Variants in IL23R observed in about 807,000 individuals in gnomAD.
IL23R encodes the protein interleukin 23 receptor.
Under a neutral mutation model 56.9 loss-of-function variants are expected in IL23R, and 34 were observed. The ratio of observed to expected loss-of-function variants is 0.60; its 90% confidence interval spans 0.45 to 0.80. The LOEUF (loss-of-function observed/expected upper bound fraction) is 0.80, where lower values mean the gene tolerates loss of function less well. Among genes scored for constraint, IL23R ranks in the 30% least tolerant of loss-of-function variants. The pLI, the probability that IL23R is intolerant of heterozygous loss-of-function variation, is 0.00. For synonymous variants in IL23R, 230 were observed against 249.2 expected (o/e 0.92, Z 0.73); for missense variants, 635 against 730.0 (o/e 0.87, Z 1.50).
At chr1:67,181,024 C>T (rs11209012) in intron 3 of IL23R, among the ~76,000 whole-genome samples, 43,301 of 151,986 alleles carry the variant, frequency 0.28, 6,663 homozygotes, top group Admixed American at 0.43. Flanking sequence ...TGTGGGTAAC[C>T]CGACCTTTCT....
chr1:67,151,782 A>C (rs762646310), intron 1 of IL23R, among the ~76,000 whole-genome samples: 7 of 151,990 alleles, frequency 4.6e-5, no homozygotes, highest in Non-Finnish European at 1.0e-4. Context: ...GTTGTTTCTG[A>C]GGTCTCTGTT....
chr1:67,219,713 A>C lies in IL23R; in HGVS notation c.938A>C (p.His313Pro). 1 of 1,613,832 alleles carries C rather than the reference A, an allele frequency of 6.2e-7. No homozygotes were observed. The highest frequency in any genetic ancestry group is 8.5e-7 in the Non-Finnish European group (1 of 1,179,708). Reference protein sequence around the residue: ...YWQPWSSLFFHKTPETVPQVT... With the variant: ...YWQPWSSLFFPKTPETVPQVT... The stretch of plus-strand genomic sequence containing the variant: ...CAGCCTTGGAGTTCACTGTTTTTTC[A>C]TAAAACACCTGAAACAGGTGAGTGT... Residue 313 changes from histidine (H) to proline (P), a missense_variant, in exon 7 of 11, where the codon CAT (histidine) becomes CCT (proline). Physicochemically the swap from His to Pro is moderately conservative, Grantham distance 77 (BLOSUM62 -2). Transcript: ENST00000347310.
At chr1:67,178,177 G>A (rs1647037294) in intron 3 of IL23R, among the ~76,000 whole-genome samples, 1 of 151,892 alleles carries the variant, frequency 6.6e-6, no homozygotes, top group Non-Finnish European at 1.5e-5. Flanking sequence ...AGCTTGATGG[G>A]GATGGCATTG....
intron 6 of IL23R, among the ~76,000 whole-genome samples, chr1:67,218,048 T>C (rs768791191): frequency 6.6e-6 from 1 of 152,086 alleles, no homozygotes; most frequent in Non-Finnish European, 1.5e-5. Flanking sequence ...TTCCAGTAAA[T>C]CAGTTACTAG....
chr1:67,252,682 A>G, intron 9 of IL23R, among the ~76,000 whole-genome samples: 1 of 152,156 alleles, frequency 6.6e-6, no homozygotes, highest in South Asian at 2.1e-4. Context: ...TAGTAAAAGA[A>G]AAACTTCAGC....
intron 4 of IL23R, among the ~76,000 whole-genome samples, chr1:67,190,065 C>T (rs774593519): frequency 5.3e-5 from 8 of 152,250 alleles, no homozygotes; most frequent in Middle Eastern, 6.8e-3. Flanking sequence ...CTCTTCTAAA[C>T]GTTCAGTTAT....
rs746969384 is a variant in IL23R, at chr1:67,227,940, A to ATCTTTCTT, written c.955+8283_955+8290dup. ...TGCAACCTATTACTACAGAACAAAGATCTTTCTTTCTTTCTTTCTTTCTTT... is the reference window on the plus strand; with the variant it reads ...TGCAACCTATTACTACAGAACAAAGATCTTTCTTTCTTTCTTTCTTTCTTTCTTTCTTT... On this transcript the variant is annotated intron_variant, in intron 7 of 10. Transcript: ENST00000347310. Among the ~76,000 whole-genome samples the ATCTTTCTT allele has an allele frequency of 7.5e-4, 28 of 37,474 alleles. 2 individuals carry two copies. Among genetic ancestry groups the ATCTTTCTT allele is most frequent in the South Asian group, 2.0e-3 (1 of 498 alleles). The allele number at this position is 37,474 out of a possible 152,430, so 24.6% of individuals were successfully genotyped here. A position where few individuals can be genotyped will look rare whatever the true frequency, so the allele number is the denominator to read the frequency against.
At chr1:67,187,037 A>G (rs1002060301) in intron 4 of IL23R, among the ~76,000 whole-genome samples, 1 of 152,046 alleles carries the variant, frequency 6.6e-6, no homozygotes, top group Non-Finnish European at 1.5e-5. Context: ...TTATTCTTCT[A>G]TTAATATTTG....
chr1:67,263,485 T>C (rs752666867), downstream of IL23R, among the ~76,000 whole-genome samples: 1 of 152,172 alleles, frequency 6.6e-6, no homozygotes, highest in Non-Finnish European at 1.5e-5. Flanking sequence ...TGTTTGGCCT[T>C]CCAGTGTGTT....
intron 6 of IL23R, 93 bp downstream of exon 6, chr1:67,207,148 C>A: frequency 7.7e-7 from 1 of 1,292,160 alleles, no homozygotes; most frequent in Non-Finnish European, 1.1e-6. Context: ...GTCTATTTTA[C>A]ATGTTTTTAA....
intron 1 of IL23R, among the ~76,000 whole-genome samples, chr1:67,150,248 C>CTTTTTTTTTT (rs552806817): frequency 2.7e-5 from 3 of 110,262 alleles, no homozygotes; most frequent in Non-Finnish European, 3.5e-5. Context: ...GCATTTCGAA[C>CTTTTTTTTTT]TTTTTTTTTT....
intron 9 of IL23R, among the ~76,000 whole-genome samples, chr1:67,247,419 C>G (rs1420310328): frequency 6.6e-6 from 1 of 152,080 alleles, no homozygotes; most frequent in Non-Finnish European, 1.5e-5. Context: ...ATTCTCCTGC[C>G]TCAGCCTCCC....
At chr1:67,168,580 G>C (rs1488897941) in intron 2 of IL23R, among the ~76,000 whole-genome samples, 3 of 152,026 alleles carry the variant, frequency 2.0e-5, no homozygotes, top group African/African-American at 7.3e-5. Context: ...GTAACTATGT[G>C]GGCCATTGGC....
At chr1:67,209,876 C>T (rs537039587) in intron 6 of IL23R, among the ~76,000 whole-genome samples, 1 of 152,132 alleles carries the variant, frequency 6.6e-6, no homozygotes, top group Non-Finnish European at 1.5e-5. Flanking sequence ...ATAGACAAAG[C>T]TCCGACTAAG....
chr1:67,211,344 G>C (rs1034147320), intron 6 of IL23R, among the ~76,000 whole-genome samples: 1 of 152,154 alleles, frequency 6.6e-6, no homozygotes, highest in Non-Finnish European at 1.5e-5. Context: ...TCTTAGGCTG[G>C]GTGCAGTGGC....
intron 9 of IL23R, among the ~76,000 whole-genome samples, chr1:67,253,874 T>A (rs1277274102): frequency 6.6e-6 from 1 of 152,258 alleles, no homozygotes; most frequent in East Asian, 1.9e-4. Context: ...TAACAAGGAA[T>A]TAGGGCAATT....
intron 7 of IL23R, among the ~76,000 whole-genome samples, chr1:67,230,929 G>A (rs1570896201): frequency 6.6e-6 from 1 of 152,264 alleles, no homozygotes; most frequent in African/African-American, 2.4e-5. Context: ...CTTAAGTGCT[G>A]TGAAACAGCT....
At chr1:67,214,059 C>A (rs947748411) in intron 6 of IL23R, among the ~76,000 whole-genome samples, 1 of 152,176 alleles carries the variant, frequency 6.6e-6, no homozygotes, top group South Asian at 2.1e-4. Context: ...CTATATTCAG[C>A]TACCTGAGAG....
At chr1:67,201,086 T>C (rs147083567) in intron 5 of IL23R, among the ~76,000 whole-genome samples, 189 bp downstream of exon 5, 18 of 151,488 alleles carry the variant, frequency 1.2e-4, no homozygotes, top group African/African-American at 4.4e-4. Flanking sequence ...CATTTTGTTG[T>C]ATATCCTTCC....
Sources: gnomAD v4.1 joint callset for allele counts (sites outside exome capture counted in the v4.1 genomes callset) on GRCh38, gnomAD v4.1.1 for gene constraint, MANE v1.5 for transcripts, NCBI Gene and HGNC (gene_info 2026-07-23, HGNC 2026-07-21) for gene names.